Variants in KLHL14 observed in about 807,000 individuals in gnomAD.
The protein encoded by KLHL14 is kelch-like protein 14.
A neutral mutation model predicts 64.3 loss-of-function variants in KLHL14; 22 were observed. The observed-to-expected ratio is 0.34, with a 90% CI of 0.24 to 0.49. KLHL14 has a LOEUF of 0.49. Among genes scored for constraint, KLHL14 ranks in the 20% least tolerant of loss-of-function variants. The pLI is 0.99. For missense variants in KLHL14, 661 were observed against 789.0 expected (o/e 0.84, Z 1.94); for synonymous variants, 322 against 333.4 (o/e 0.97, Z 0.37).
At chr18:32,702,906 TA>T (rs1017774581) in intron 3 of KLHL14, among the ~76,000 whole-genome samples, 3 of 151,906 alleles carry the variant, frequency 2.0e-5, no homozygotes, top group African/African-American at 4.8e-5. Context: ...TGTATAAATC[TA>T]AAAAAAAGTG....
At chr18:32,692,345 C>T (rs2049911700) in intron 4 of KLHL14, among the ~76,000 whole-genome samples, 3 of 152,130 alleles carry the variant, frequency 2.0e-5, no homozygotes, top group Admixed American at 2.0e-4. Flanking sequence ...TTCATAAGAA[C>T]TAATGTTTAA....
chr18:32,716,982 A>G (rs1490260053), intron 3 of KLHL14, among the ~76,000 whole-genome samples: 1 of 152,222 alleles, frequency 6.6e-6, no homozygotes, highest in Non-Finnish European at 1.5e-5. Flanking sequence ...TATAAGAGAA[A>G]GGCCAACTCG....
rs1450516918 is a variant in KLHL14 at position 32,772,166 on chromosome 18, C to A, written c.-44+501G>T. ...CGCCGCCGCCCGGCTCGGAGGGATCCCGGCGGACCTGCCCCTTCCACTGCG... is the reference window on the plus strand; with the variant it reads ...CGCCGCCGCCCGGCTCGGAGGGATCACGGCGGACCTGCCCCTTCCACTGCG... On this transcript the variant is annotated intron_variant, in intron 1 of 8. Transcript: ENST00000359358. The A allele has an allele frequency of 4.0e-5, 13 of 325,972 alleles. 1 individual carries two copies. The highest frequency in any genetic ancestry group is 8.2e-5 in the Non-Finnish European group (13 of 158,996). The allele number at this position is 325,972 out of a possible 1,614,324, so 20.2% of individuals were successfully genotyped here. A position where few individuals can be genotyped will look rare whatever the true frequency, so the allele number is the denominator to read the frequency against.
intron 3 of KLHL14, among the ~76,000 whole-genome samples, chr18:32,735,659 C>T (rs535948450): frequency 5.2e-4 from 79 of 152,278 alleles, no homozygotes; most frequent in African/African-American, 1.9e-3. Flanking sequence ...TAGATCAGGA[C>T]TCTCCACTGC....
Position 32,677,290 on chromosome 18 carries a change from G to T in KLHL14, c.1629C>A (p.Asp543Glu), listed in dbSNP as rs750144840. ...GTATATTCCACTGGTCACCTTTTGG[G>T]TCATAGCATTCCACAAGCATTACAT... Reference protein sequence around the residue: ...HLDVMLVECYDPKGDQWNILQ... With the variant: ...HLDVMLVECYEPKGDQWNILQ... The change falls in exon 8 of 9, where the codon GAC becomes GAA. Residue 543 changes from aspartate to glutamate, a missense_variant. Around this residue, in one of 2 missense-constraint regions of KLHL14, gnomAD observed 330 missense variants for 450.0 expected, o/e 0.73. Transcript: ENST00000359358. The T allele has an allele frequency of 6.2e-7, 1 of 1,613,374 alleles. No homozygotes were observed. The highest frequency in any genetic ancestry group is 8.5e-7 in the Non-Finnish European group (1 of 1,179,580).
intron 4 of KLHL14, among the ~76,000 whole-genome samples, chr18:32,693,968 TTTTTGTTTTG>T (rs538621363): frequency 4.8e-4 from 71 of 148,866 alleles, no homozygotes; most frequent in African/African-American, 1.2e-3. Context: ...TACAGGTGTT[TTTTTGTTTTG>T]TTTTGTTTTG....
At chr18:32,732,542 T>C (rs2050141933) in intron 3 of KLHL14, among the ~76,000 whole-genome samples, 1 of 152,200 alleles carries the variant, frequency 6.6e-6, no homozygotes, top group Admixed American at 6.5e-5. Context: ...TTGTTTTTGC[T>C]GATACGCCAT....
intron 3 of KLHL14, among the ~76,000 whole-genome samples, chr18:32,730,382 G>C (rs1333969110): frequency 6.6e-6 from 1 of 152,142 alleles, no homozygotes; most frequent in African/African-American, 2.4e-5. Flanking sequence ...TAAAAACAAT[G>C]ACTGAACCAT....
At chr18:32,748,106 C>T (rs1164264661) in intron 2 of KLHL14, among the ~76,000 whole-genome samples, 1 of 152,198 alleles carries the variant, frequency 6.6e-6, no homozygotes, top group African/African-American at 2.4e-5. Context: ...ATCTTTGAGG[C>T]AGAGTAGCCT....
intron 3 of KLHL14, among the ~76,000 whole-genome samples, chr18:32,713,936 C>T (rs947172941): frequency 6.6e-5 from 10 of 152,206 alleles, no homozygotes; most frequent in Admixed American, 6.5e-4. Context: ...CAGAAATCAA[C>T]ACCATTAAAT....
At chr18:32,754,866 G>A (rs1188598221) in intron 2 of KLHL14, among the ~76,000 whole-genome samples, 1 of 152,210 alleles carries the variant, frequency 6.6e-6, no homozygotes, top group African/African-American at 2.4e-5. Flanking sequence ...CCTTCTAAAA[G>A]GACTCAACGT....
chr18:32,753,114 C>A (rs10502608), intron 2 of KLHL14, among the ~76,000 whole-genome samples: 122,142 of 151,988 alleles, frequency 0.8, 51,740 homozygotes, highest in East Asian at 0.98. Flanking sequence ...TTATCTCTAA[C>A]ACACGTTAAA....
chr18:32,769,676 T>A lies in KLHL14; in HGVS notation c.916A>T (p.Arg306Trp). Residue 306 changes from arginine (R) to tryptophan (W), a missense_variant, in exon 2 of 9, where the codon AGG becomes TGG. Arg to Trp is a moderately radical substitution (Grantham distance 101). Transcript: ENST00000359358. ...DAMNYHLMPF[R>W]QHCRQSLASR... ...GCCAGGCTCTGCCTGCAGTGCTGCC[T>A]GAAGGGCATCAGGTGGTAGTTCATG... is the stretch of plus-strand genomic sequence containing the variant. The A allele has an allele frequency of 1.4e-6, 2 of 1,437,762 alleles. No homozygotes were observed. The highest frequency in any genetic ancestry group is 9.3e-7 in the Non-Finnish European group (1 of 1,073,444). The allele number at this position is 1,437,762 out of a possible 1,614,324, so 89.1% of individuals were successfully genotyped here. A position where few individuals can be genotyped will look rare whatever the true frequency, so the allele number is the denominator to read the frequency against.
At chr18:32,708,347 A>G (rs1281471316) in intron 3 of KLHL14, among the ~76,000 whole-genome samples, 2 of 152,246 alleles carry the variant, frequency 1.3e-5, no homozygotes, top group East Asian at 1.9e-4. Context: ...GACATTTGCA[A>G]TGTATTTGAA....
chr18:32,686,559 GT>G lies in KLHL14; in HGVS notation c.1238+595del, dbSNP rs1336641478. 2.0e-5 allele frequency among the ~76,000 whole-genome samples: 3 copies of G among 151,908 alleles called. 1 individual carries two copies. Among genetic ancestry groups the G allele is most frequent in the Non-Finnish European group, 4.4e-5 (3 of 67,972 alleles). ...TGTATGCAAAAAAATGAGATGACACGTTGCAAGACTAATTTTTTTTAAAGCT... is the reference window on the plus strand; with the variant it reads ...TGTATGCAAAAAAATGAGATGACACGTGCAAGACTAATTTTTTTTAAAGCT... On this transcript the variant is annotated intron_variant, in intron 5 of 8. Transcript: ENST00000359358.
intron 3 of KLHL14, among the ~76,000 whole-genome samples, chr18:32,715,250 A>G (rs1467053502): frequency 6.6e-6 from 1 of 152,176 alleles, no homozygotes; most frequent in East Asian, 1.9e-4. Flanking sequence ...TTTAGTCTAT[A>G]AGCAACTTTG....
At position 32,683,215 on chromosome 18, in the gene KLHL14, G is replaced by A. The variant is rs1184724984; in HGVS notation, c.1239-2616C>T. On this transcript the variant is annotated intron_variant, in intron 5 of 8. Transcript: ENST00000359358. This position sits in a 1 kb window ranked among gnomAD's most constrained non-coding sequence, Gnocchi z 4.2. ...TTTCTAGCCAAGGCGTTCTTCATGC[G>A]ACACTTCGTGTGTACTCCTAGCTTT... Among the ~76,000 whole-genome samples the A allele has an allele frequency of 2.6e-5, 4 of 152,060 alleles. No homozygotes were observed. Among genetic ancestry groups the A allele is most frequent in the African/African-American group, 9.7e-5 (4 of 41,404 alleles).
At chr18:32,745,857 C>A (rs778470635) in intron 2 of KLHL14, among the ~76,000 whole-genome samples, 1 of 152,168 alleles carries the variant, frequency 6.6e-6, no homozygotes, top group South Asian at 2.1e-4. Flanking sequence ...GAAAACACCA[C>A]AAACAAAGAT....
intron 3 of KLHL14, among the ~76,000 whole-genome samples, chr18:32,735,706 C>T (rs2050162721): frequency 6.6e-6 from 1 of 152,148 alleles, no homozygotes; most frequent in Admixed American, 6.6e-5. Flanking sequence ...TCTCAGAGCA[C>T]TATCACATTT....
Sources: allele counts gnomAD v4.1 joint callset (sites outside exome capture counted in the v4.1 genomes callset), GRCh38; gene constraint gnomAD v4.1.1; regional missense constraint gnomAD v4.1.1; non-coding constraint Gnocchi (gnomAD v3.1); transcripts MANE v1.5; gene names NCBI Gene and HGNC (gene_info 2026-07-23, HGNC 2026-07-21).